Variants in ATP10D observed in about 807,000 individuals in gnomAD.
ATP10D encodes the protein phospholipid-transporting ATPase VD.
Under a neutral mutation model 144.8 loss-of-function variants are expected in ATP10D, and 89 were observed. The ratio of observed to expected loss-of-function variants is 0.61; its 90% CI spans 0.52 to 0.73. The LOEUF (loss-of-function observed/expected upper bound fraction) is 0.73, where lower values mean the gene tolerates loss of function less well. ATP10D is among the 30% of genes least tolerant of loss of function. The pLI, the probability that ATP10D is intolerant of heterozygous loss-of-function variation, is 0.00. For missense variants in ATP10D, 1,603 were observed against 1,714.8 expected, an observed-to-expected ratio of 0.93 and a Z score of 1.15; for synonymous variants, 571 against 615.1, an observed-to-expected ratio of 0.93 and a Z score of 1.06.
At chr4:47,552,738 A>G (rs1162953597) in intron 10 of ATP10D, among the ~76,000 whole-genome samples, 1 of 152,168 alleles carries the variant, frequency 6.6e-6, no homozygotes, top group Admixed American at 6.5e-5. Context: ...TTATGTTCTG[A>G]ACCAATTATT....
intron 5 of ATP10D, among the ~76,000 whole-genome samples, chr4:47,530,128 C>A (rs774561177): frequency 1.3e-5 from 2 of 152,024 alleles, no homozygotes; most frequent in Non-Finnish European, 2.9e-5. Context: ...AATTTGAATG[C>A]CTTTTATTTT....
chr4:47,490,672 C>T (rs1715020699), intron 1 of ATP10D, among the ~76,000 whole-genome samples: 1 of 152,180 alleles, frequency 6.6e-6, no homozygotes, highest in South Asian at 2.1e-4. Context: ...AGGAGTGGAG[C>T]CAGCACGGGT....
intron 1 of ATP10D, among the ~76,000 whole-genome samples, chr4:47,496,734 A>G (rs1174482527): frequency 6.6e-6 from 1 of 152,060 alleles, no homozygotes; most frequent in Non-Finnish European, 1.5e-5. Flanking sequence ...CTATATATTT[A>G]TAGTATATGG....
chr4:47,572,182 A>T lies in ATP10D; in HGVS notation c.3192A>T (p.Ile1064=). 6.2e-7 allele frequency: 1 copy of T among 1,614,092 alleles called. No individual in the cohort carries two copies. The highest frequency in any genetic ancestry group is 8.5e-7 in the Non-Finnish European group (1 of 1,179,998). The change falls in exon 17 of 23, where the codon ATA becomes ATT. Residue 1064 remains isoleucine (I), a synonymous_variant. Transcript: ENST00000273859. ...ATGGTGCCAATGATGTTAGCATGAT[A>T]CAAGTGGCAGACATTGGGATAGGGG... ...IGDGANDVSM[I]QVADIGIGVS... is the part of the protein sequence containing the mutation.
intron 1 of ATP10D, among the ~76,000 whole-genome samples, chr4:47,503,994 G>A (rs1715868262): frequency 6.6e-6 from 1 of 152,108 alleles, no homozygotes; most frequent in Admixed American, 6.5e-5. Context: ...CTGACTTTTT[G>A]TATATATCTA....
intron 14 of ATP10D, among the ~76,000 whole-genome samples, chr4:47,563,052 A>T (rs945767065): frequency 2.0e-5 from 3 of 152,160 alleles, no homozygotes; most frequent in Admixed American, 6.5e-5. Flanking sequence ...GAAATAGTAG[A>T]CATTGGAGAC....
intron 5 of ATP10D, 25 bp downstream of exon 5, chr4:47,525,667 G>C (rs369510064): frequency 6.6e-7 from 1 of 1,521,104 alleles, no homozygotes; most frequent in African/African-American, 1.4e-5. Flanking sequence ...ATGAACATTT[G>C]TGGGTGTAAG....
chr4:47,588,011 A>G (rs1720868521), intron 22 of ATP10D, among the ~76,000 whole-genome samples: 1 of 152,130 alleles, frequency 6.6e-6, no homozygotes, highest in Non-Finnish European at 1.5e-5. Flanking sequence ...ATGAACCTAC[A>G]TATGTACATT....
chr4:47,542,621 G>A (rs1337903645), intron 9 of ATP10D, among the ~76,000 whole-genome samples: 1 of 151,956 alleles, frequency 6.6e-6, no homozygotes. Flanking sequence ...GGGATTACAG[G>A]TGCCCGCCAC....
intron 15 of ATP10D, among the ~76,000 whole-genome samples, chr4:47,565,641 T>A (rs1296122175): frequency 6.6e-6 from 1 of 152,152 alleles, no homozygotes; most frequent in Non-Finnish European, 1.5e-5. Flanking sequence ...ATGCGGTGCC[T>A]ATCAGATGAG....
chr4:47,540,295 C>G (rs1481905001), intron 9 of ATP10D, among the ~76,000 whole-genome samples: 1 of 152,160 alleles, frequency 6.6e-6, no homozygotes, highest in Non-Finnish European at 1.5e-5. Flanking sequence ...CAACCTCTCA[C>G]ACATGGAATT....
rs548310262 is a variant in ATP10D, at chr4:47,592,045, G to A, written c.*664G>A. 1 of 152,398 alleles carries A rather than the reference G, an allele frequency of 6.6e-6. No individual in the cohort carries two copies. Among genetic ancestry groups the A allele is most frequent in the East Asian group, 1.9e-4 (1 of 5,178 alleles). 9.4% of individuals were successfully genotyped at this position (152,398 alleles called of 1,614,324 possible). On this transcript the variant is annotated 3_prime_UTR_variant, in exon 23 of 23. Coordinates refer to ENST00000273859, the MANE Select transcript of ATP10D (RefSeq NM_020453.4). ...CCTGAGGTGGAGCCTTCATTGGAAA[G>A]GGGAAAGAGGGATTCTAGGGTTTCA...
In ATP10D at chr4:47,586,329, G is replaced by A. The variant is rs941939623; in HGVS notation, c.3754-690G>A. Among the ~76,000 whole-genome samples, 6 of 152,290 alleles carry A rather than the reference G, an allele frequency of 3.9e-5. No homozygotes were observed. In the South Asian group the frequency reaches 6.2e-4, roughly 16 times the overall value. On this transcript the variant is annotated intron_variant, in intron 21 of 22. Coordinates refer to ENST00000273859, the MANE Select transcript of ATP10D (RefSeq NM_020453.4). ...AAGTAGCTAGGCTGTGGTATGACAC[G>A]CAAACATTTATTTCTTGCTCATATA...
chr4:47,548,105 A>T (rs1162630818), intron 10 of ATP10D, among the ~76,000 whole-genome samples: 3 of 152,116 alleles, frequency 2.0e-5, no homozygotes, highest in Admixed American at 2.0e-4. Context: ...TCCACCTGAA[A>T]GTAAGAACAT....
At chr4:47,590,979 G>GC in intron 22 of ATP10D, 63 bp from the exon 23 acceptor site, 1 of 1,160,652 alleles carries the variant, frequency 8.6e-7, no homozygotes, top group Non-Finnish European at 1.2e-6. Context: ...TAGTATTTGG[G>GC]GGGGGGGGTT....
In ATP10D at chr4:47,558,976, C is replaced by T. The variant is rs749255964; in HGVS notation, c.2488C>T (p.His830Tyr). 3 of 1,614,130 alleles carry T rather than the reference C, an allele frequency of 1.9e-6. No individual in the cohort carries two copies. The highest frequency in any genetic ancestry group is 2.2e-5 in the South Asian group (2 of 91,078). The stretch of plus-strand genomic sequence containing the variant: ...GATAGTAAGGGAGAAAACCCAGAAG[C>T]ACTTGGATGACTATGCCAAACAAGG... Reference protein sequence around the residue: ...QMIVREKTQKHLDDYAKQGLR... With the variant: ...QMIVREKTQKYLDDYAKQGLR... The change falls in exon 13 of 23, where the codon CAC becomes TAC. Residue 830 changes from histidine to tyrosine, a missense_variant. By Grantham distance (83) the His-to-Tyr change is moderately conservative. Coordinates refer to ENST00000273859, the MANE Select transcript of ATP10D (RefSeq NM_020453.4).
chr4:47,494,883 A>G (rs1715272896), intron 1 of ATP10D, among the ~76,000 whole-genome samples: 1 of 152,200 alleles, frequency 6.6e-6, no homozygotes, highest in African/African-American at 2.4e-5. Context: ...GCAGACTACC[A>G]TTTAAATTCT....
At chr4:47,569,761 G>A (rs532528874) in intron 16 of ATP10D, among the ~76,000 whole-genome samples, 1 of 152,236 alleles carries the variant, frequency 6.6e-6, no homozygotes, top group South Asian at 2.1e-4. Flanking sequence ...TTTTAAATAC[G>A]ATTTTCAAAG....
intron 10 of ATP10D, among the ~76,000 whole-genome samples, chr4:47,549,578 G>A (rs913063950): frequency 2.0e-5 from 3 of 152,200 alleles, no homozygotes; most frequent in Admixed American, 1.3e-4. Flanking sequence ...TGGACATGGG[G>A]ATATAAAGTG....
Sources: gnomAD v4.1 joint callset for allele counts (sites outside exome capture counted in the v4.1 genomes callset) on GRCh38, gnomAD v4.1.1 for gene constraint, MANE v1.5 for transcripts, NCBI Gene and HGNC (gene_info 2026-07-23, HGNC 2026-07-21) for gene names.